Variants in RAD51B observed in about 807,000 individuals in gnomAD.
RAD51B encodes RAD51 paralog B.
Under a neutral mutation model 42.2 loss-of-function variants are expected in RAD51B, and 38 were observed. The ratio of observed to expected loss-of-function variants is 0.90; its 90% CI spans 0.70 to 1.18. The LOEUF is 1.18. Ranked by LOEUF, RAD51B falls within the 50% of genes most tolerant of loss-of-function variation. The pLI is 0.00. For synonymous variants in RAD51B, 154 were observed against 145.2 expected (o/e 1.06, Z -0.43); for missense variants, 373 against 400.7 (o/e 0.93, Z 0.59).
intron 4 of RAD51B, among the ~76,000 whole-genome samples, chr14:67,860,539 A>G (rs1288408697): frequency 1.3e-5 from 2 of 152,206 alleles, no homozygotes; most frequent in African/African-American, 4.8e-5. Flanking sequence ...ATTTACTGCA[A>G]AAGGAAAAAA....
At chr14:67,956,844 G>A (rs1388355399) in intron 7 of RAD51B, among the ~76,000 whole-genome samples, 2 of 152,238 alleles carry the variant, frequency 1.3e-5, no homozygotes, top group Non-Finnish European at 2.9e-5. Context: ...CATGTGATTA[G>A]TGGCTAGTGT....
intron 8 of RAD51B, among the ~76,000 whole-genome samples, chr14:68,338,178 A>T: frequency 6.6e-6 from 1 of 152,184 alleles, no homozygotes; most frequent in East Asian, 1.9e-4. Context: ...CGAGACTCTC[A>T]CATAACCCAA....
At chr14:68,265,467 C>T (rs950652496) in intron 7 of RAD51B, among the ~76,000 whole-genome samples, 4 of 152,202 alleles carry the variant, frequency 2.6e-5, no homozygotes, top group South Asian at 4.1e-4. Context: ...AACTAACTGT[C>T]GGCCAGGCGC....
chr14:68,417,591 A>G (rs769718908), intron 9 of RAD51B, among the ~76,000 whole-genome samples: 10 of 152,222 alleles, frequency 6.6e-5, no homozygotes, highest in Non-Finnish European at 1.3e-4. Flanking sequence ...ACTAGGCACT[A>G]GGCAAATGTA....
intron 7 of RAD51B, among the ~76,000 whole-genome samples, chr14:68,127,104 G>A (rs2077776742): frequency 6.6e-6 from 1 of 151,938 alleles, no homozygotes; most frequent in Non-Finnish European, 1.5e-5. Context: ...TCTGTAAAAG[G>A]GCTTATCTCA....
At chr14:67,986,297 A>G (rs2075191586) in intron 7 of RAD51B, among the ~76,000 whole-genome samples, 1 of 152,242 alleles carries the variant, frequency 6.6e-6, no homozygotes, top group African/African-American at 2.4e-5. Context: ...CATACAGGGA[A>G]GAACATATCA....
At chr14:68,409,514 A>T (rs2084364429) in intron 8 of RAD51B, among the ~76,000 whole-genome samples, 1 of 152,234 alleles carries the variant, frequency 6.6e-6, no homozygotes, top group Non-Finnish European at 1.5e-5. Context: ...GAAAGAGAAA[A>T]CAAAGGCAGA....
intron 7 of RAD51B, among the ~76,000 whole-genome samples, chr14:68,135,497 TA>T (rs1346575989): frequency 1.3e-5 from 2 of 152,316 alleles, no homozygotes; most frequent in African/African-American, 4.8e-5. Flanking sequence ...TTCAGGGTTA[TA>T]ATGGGGAATA....
At chr14:68,378,733 TG>T (rs1426248546) in intron 8 of RAD51B, among the ~76,000 whole-genome samples, 1 of 152,104 alleles carries the variant, frequency 6.6e-6, no homozygotes, top group African/African-American at 2.4e-5. Flanking sequence ...AATCTACAGA[TG>T]GGGAAACCCT....
chr14:68,408,520 C>G (rs1184089905), intron 8 of RAD51B, among the ~76,000 whole-genome samples: 1 of 152,126 alleles, frequency 6.6e-6, no homozygotes, highest in Non-Finnish European at 1.5e-5. Context: ...TCATCCTTTT[C>G]AAAGTGGAGC....
intron 5 of RAD51B, among the ~76,000 whole-genome samples, chr14:67,867,103 G>C (rs1477877965): frequency 6.6e-6 from 1 of 152,152 alleles, no homozygotes; most frequent in African/African-American, 2.4e-5. Context: ...AATGCTCTCC[G>C]ATATATATGC....
chr14:67,951,712 T>A (rs1387478941), intron 7 of RAD51B, among the ~76,000 whole-genome samples: 1 of 152,222 alleles, frequency 6.6e-6, no homozygotes, highest in African/African-American at 2.4e-5. Flanking sequence ...TTATAACATA[T>A]AAATCATAAC....
intron 7 of RAD51B, among the ~76,000 whole-genome samples, chr14:68,165,703 C>T (rs1454698908): frequency 4.6e-5 from 7 of 152,270 alleles, no homozygotes; most frequent in African/African-American, 1.7e-4. Context: ...TGGTGCAGGG[C>T]TCTAAGTCTC....
intron 8 of RAD51B, among the ~76,000 whole-genome samples, chr14:68,379,695 G>C (rs960421381): frequency 1.3e-5 from 2 of 152,218 alleles, no homozygotes; most frequent in Non-Finnish European, 2.9e-5. Flanking sequence ...CATCTGAATG[G>C]AAAGGGGAGA....
intron 7 of RAD51B, among the ~76,000 whole-genome samples, chr14:68,236,858 A>G (rs1296663704): frequency 2.0e-5 from 3 of 152,128 alleles, no homozygotes; most frequent in African/African-American, 4.8e-5. Flanking sequence ...GCTCCTCTAT[A>G]TAGATTTGCA....
chr14:67,866,343 A>G (rs1027492444), intron 5 of RAD51B, among the ~76,000 whole-genome samples: 2 of 152,228 alleles, frequency 1.3e-5, no homozygotes, highest in African/African-American at 4.8e-5. Flanking sequence ...TAAAGCTGGT[A>G]AAGACTGGTT....
intron 7 of RAD51B, among the ~76,000 whole-genome samples, chr14:67,989,536 G>C (rs1158980412): frequency 6.6e-6 from 1 of 150,854 alleles, no homozygotes; most frequent in Non-Finnish European, 1.5e-5. Flanking sequence ...TACTCAGGAG[G>C]CTGAGGCAGG....
intron 7 of RAD51B, among the ~76,000 whole-genome samples, chr14:68,082,806 T>A (rs1401349227): frequency 6.6e-6 from 1 of 152,200 alleles, no homozygotes; most frequent in Admixed American, 6.5e-5. Flanking sequence ...CACTTTTCAA[T>A]TCATTTCCTA....
chr14:68,320,288 G>A (rs765146256), intron 8 of RAD51B, among the ~76,000 whole-genome samples: 1 of 152,174 alleles, frequency 6.6e-6, no homozygotes, highest in Non-Finnish European at 1.5e-5. Flanking sequence ...GTTAACTTTG[G>A]ATGCCTCCTG....
Sources: allele counts gnomAD v4.1 joint callset (sites outside exome capture counted in the v4.1 genomes callset), GRCh38; gene constraint gnomAD v4.1.1; transcripts MANE v1.5; gene names NCBI Gene and HGNC (gene_info 2026-07-23, HGNC 2026-07-21).